SSBP1: variants seen among roughly 807,000 people sequenced by gnomAD.
SSBP1 encodes the protein single stranded DNA binding protein 1.
In SSBP1, 20 loss-of-function variants were observed where a neutral mutation model predicts 27.0. The ratio of observed to expected loss-of-function variants is 0.74; its 90% CI spans 0.52 to 1.08. The LOEUF is 1.08. Ranked by LOEUF, SSBP1 falls within the 50% of genes least tolerant of loss-of-function variation. The pLI, the probability that SSBP1 is intolerant of heterozygous loss-of-function variation, is 0.00. For synonymous variants in SSBP1, 59 were observed against 59.3 expected (o/e 1.00, Z 0.02); for missense variants, 137 against 182.4 (o/e 0.75, Z 1.44).
chr7:141,742,203 C>G lies in SSBP1; in HGVS notation c.59C>G (p.Thr20Arg), dbSNP rs1213299674. Residue 20 changes from threonine (T) to arginine (R), a missense_variant, in exon 3 of 7, where the codon ACA becomes AGA. Transcript: ENST00000265304. ...LRQFVRHESE[T>R]TTSLVLERSL... ...CAGTTTGTAAGACATGAGTCCGAAA[C>G]AACTACCAGTTTGGTTCTTGAAAGA... 6.2e-7 allele frequency: 1 copy of G among 1,604,406 alleles called. No homozygotes were observed. The highest frequency in any genetic ancestry group is 8.5e-7 in the Non-Finnish European group (1 of 1,172,202).
intron 3 of SSBP1, among the ~76,000 whole-genome samples, chr7:141,742,743 A>G (rs1437393372): frequency 1.3e-5 from 2 of 152,156 alleles, no homozygotes; most frequent in East Asian, 3.9e-4. Flanking sequence ...CTCCTTATTC[A>G]TTCCTTAACT....
chr7:141,747,643 C>T (rs1799832727), intron 6 of SSBP1, among the ~76,000 whole-genome samples: 1 of 151,594 alleles, frequency 6.6e-6, no homozygotes, highest in Non-Finnish European at 1.5e-5. Context: ...CCACTTCAGC[C>T]TCCCAAAGTG....
chr7:141,749,943 T>C (rs549997037), intron 6 of SSBP1, among the ~76,000 whole-genome samples: 1 of 152,352 alleles, frequency 6.6e-6, no homozygotes, highest in East Asian at 1.9e-4. Context: ...TGTGATACAC[T>C]TTTGTCCTTT....
intron 4 of SSBP1, 37 bp downstream of exon 4, chr7:141,743,738 A>C (rs1324475743): frequency 1.2e-6 from 2 of 1,601,508 alleles, no homozygotes; most frequent in Non-Finnish European, 1.7e-6. Context: ...TTTTATCAGC[A>C]ATAAATAGAT....
At chr7:141,745,008 C>G (rs1466139236) in intron 5 of SSBP1, among the ~76,000 whole-genome samples, 1 of 152,072 alleles carries the variant, frequency 6.6e-6, no homozygotes, top group Non-Finnish European at 1.5e-5. Context: ...TAAGCTGATA[C>G]AGTGTAGAAA....
rs115492087 is a variant in SSBP1, at chr7:141,748,263, C to T, written c.404-2048C>T. ...AAATGTAACTACCGTGCTATTATCACACCTAATATTAATAAATTACTGTTA... is the reference window on the plus strand; with the variant it reads ...AAATGTAACTACCGTGCTATTATCATACCTAATATTAATAAATTACTGTTA... On this transcript the variant is annotated intron_variant, in intron 6 of 6. Coordinates refer to ENST00000265304, the MANE Select transcript of SSBP1 (RefSeq NM_003143.3). Among the ~76,000 whole-genome samples, 473 of 152,190 alleles carry T rather than the reference C, an allele frequency of 3.1e-3. 4 individuals are homozygous for T. Among genetic ancestry groups the T allele is most frequent in the African/African-American group, 0.011 (460 of 41,518 alleles).
chr7:141,749,893 T>G (rs1259061931), intron 6 of SSBP1, among the ~76,000 whole-genome samples: 1 of 152,254 alleles, frequency 6.6e-6, no homozygotes, highest in Non-Finnish European at 1.5e-5. Context: ...GGGCCACATA[T>G]GGACTCTTAC....
At chr7:141,745,666 G>T in intron 6 of SSBP1, 82 bp downstream of exon 6, 1 of 1,571,090 alleles carries the variant, frequency 6.4e-7, no homozygotes. Context: ...AACTAACTAG[G>T]GTTAAGAGTA....
chr7:141,750,224 C>G, intron 6 of SSBP1, 87 bp from the exon 7 acceptor site: 2 of 967,150 alleles, frequency 2.1e-6, no homozygotes, highest in Non-Finnish European at 3.1e-6. Context: ...ATGAACAGCA[C>G]TAAAGTTATA....
intron 6 of SSBP1, chr7:141,745,930 A>C (rs974241859): frequency 6.8e-6 from 7 of 1,026,260 alleles, no homozygotes; most frequent in Non-Finnish European, 8.2e-6. Context: ...GCGTATGCCA[A>C]GATAAGAATT....
intron 6 of SSBP1, among the ~76,000 whole-genome samples, chr7:141,746,920 T>C (rs1799813105): frequency 6.6e-6 from 1 of 152,232 alleles, no homozygotes; most frequent in Non-Finnish European, 1.5e-5. Flanking sequence ...AGTTCAGCAT[T>C]TGGAAATTTT....
chr7:141,745,877 A>C lies in SSBP1; in HGVS notation c.403+293A>C, dbSNP rs114142777. 6.6e-4 allele frequency: 728 copies of C among 1,108,158 alleles called. 9 individuals carry two copies. The African/African-American group carries it at 0.011, about 17-fold the overall frequency. The allele number at this position is 1,108,158 out of a possible 1,614,324, so 68.6% of individuals were successfully genotyped here. ...ATTGTTGAGAATTACAAAAACTCTG[A>C]ATGTATTGTCTTTTGGAAGGATCTA... On this transcript the variant is annotated intron_variant, in intron 6 of 6. Coordinates refer to ENST00000265304, the MANE Select transcript of SSBP1 (RefSeq NM_003143.3).
intron 5 of SSBP1, among the ~76,000 whole-genome samples, chr7:141,744,450 T>C (rs545227277): frequency 6.6e-6 from 1 of 152,312 alleles, no homozygotes; most frequent in East Asian, 1.9e-4. Context: ...GTGGCAGTTA[T>C]TTTATATTTG....
At chr7:141,743,065 G>A (rs1284699764) in intron 3 of SSBP1, among the ~76,000 whole-genome samples, 4 of 152,304 alleles carry the variant, frequency 2.6e-5, no homozygotes, top group Non-Finnish European at 5.9e-5. Context: ...GTGTTAGCCA[G>A]CATGGTCTCT....
At chr7:141,747,979 T>C (rs1333775090) in intron 6 of SSBP1, among the ~76,000 whole-genome samples, 4 of 126,780 alleles carry the variant, frequency 3.2e-5, no homozygotes, top group South Asian at 2.5e-4. Flanking sequence ...GCCTGGGCAA[T>C]AGAGGAAGAC....
Position 141,750,407 on chromosome 7 carries a change from T to C in SSBP1, c.*53T>C. 8 of 1,423,642 alleles carry C rather than the reference T, an allele frequency of 5.6e-6. No homozygotes were observed. The South Asian group carries it at 9.3e-5, about 16-fold the overall frequency. 88.2% of individuals were successfully genotyped at this position (1,423,642 alleles called of 1,614,324 possible). Reference sequence around the variant, plus strand: ...TTGGTACAGTCTCATTTCCAAGTCATGTATAATCTTTATGGCTTCCAAGGA... The same window carrying C: ...TTGGTACAGTCTCATTTCCAAGTCACGTATAATCTTTATGGCTTCCAAGGA... On this transcript the variant is annotated 3_prime_UTR_variant, in exon 7 of 7. Transcript: ENST00000265304.
chr7:141,743,404 T>A (rs1053688340), intron 3 of SSBP1, among the ~76,000 whole-genome samples, 157 bp from the exon 4 acceptor site: 5 of 152,224 alleles, frequency 3.3e-5, no homozygotes, highest in African/African-American at 1.2e-4. Flanking sequence ...CACCTCACCC[T>A]CATGACGTCA....
At chr7:141,747,280 T>A (rs1397370068) in intron 6 of SSBP1, among the ~76,000 whole-genome samples, 1 of 151,958 alleles carries the variant, frequency 6.6e-6, no homozygotes, top group Non-Finnish European at 1.5e-5. Flanking sequence ...TTTATGGACA[T>A]AAATACTAAG....
chr7:141,745,658 C>T (rs1799754032), intron 6 of SSBP1, 74 bp downstream of exon 6: 1 of 1,587,108 alleles, frequency 6.3e-7, no homozygotes, highest in South Asian at 1.1e-5. Context: ...TACACTGTAA[C>T]TAACTAGGGT....
Sources: allele counts gnomAD v4.1 joint callset (sites outside exome capture counted in the v4.1 genomes callset), GRCh38; gene constraint gnomAD v4.1.1; transcripts MANE v1.5; gene names NCBI Gene and HGNC (gene_info 2026-07-23, HGNC 2026-07-21).